Variants in SMOC2 observed in about 807,000 individuals in gnomAD.
The protein encoded by SMOC2 is SPARC-related modular calcium-binding protein 2.
SMOC2 carries 39 observed loss-of-function variants against 61.4 expected under a neutral mutation model. The observed-to-expected ratio is 0.64, with a 90% confidence interval of 0.49 to 0.83. The LOEUF (loss-of-function observed/expected upper bound fraction) is 0.83. SMOC2 is among the 40% of genes least tolerant of loss of function. SMOC2 has a pLI of 0.00. For missense variants in SMOC2, 556 were observed against 592.9 expected (o/e 0.94, Z 0.65); for synonymous variants, 247 against 239.9 (o/e 1.03, Z -0.27).
intron 2 of SMOC2, among the ~76,000 whole-genome samples, chr6:168,516,675 C>T (rs558876108): frequency 2.0e-5 from 3 of 152,236 alleles, no homozygotes; most frequent in Non-Finnish European, 2.9e-5. Context: ...CAATCAGATT[C>T]GAATCTCCAC....
rs527720680 is a variant in SMOC2 at position 168,512,088 on chromosome 6, G to A, written c.256+2002G>A. 1.2e-3 allele frequency among the ~76,000 whole-genome samples: 181 copies of A among 152,192 alleles called. 4 individuals carry two copies. The highest frequency in any genetic ancestry group is 3.4e-3 in the Middle Eastern group (1 of 294). Reference sequence around the variant, plus strand: ...ATGTTATCCTCCCCTCATGCTGGGGGAGTCATGAAGACCCCAGGACAGAAG... The same window carrying A: ...ATGTTATCCTCCCCTCATGCTGGGGAAGTCATGAAGACCCCAGGACAGAAG... On this transcript the variant is annotated intron_variant, in intron 2 of 12. Transcript: ENST00000356284.
chr6:168,566,450 C>T (rs189680977), intron 7 of SMOC2, among the ~76,000 whole-genome samples: 10 of 149,118 alleles, frequency 6.7e-5, no homozygotes, highest in East Asian at 5.9e-4. Flanking sequence ...GACGAATTTT[C>T]AGGCTTTATT....
chr6:168,650,913 C>G (rs1265705878), intron 10 of SMOC2, 130 bp downstream of exon 10: 9 of 786,916 alleles, frequency 1.1e-5, no homozygotes, highest in Non-Finnish European at 1.8e-5. Context: ...TAAAAAGGAG[C>G]CTTCTGCAAA....
Position 168,598,860 on chromosome 6 carries a change from C to G in SMOC2, c.680C>G (p.Ala227Gly). Reference sequence around the variant, plus strand: ...GAGCACCAGTCTGCCCTGGAGGAAGCCAAGCAGCCCAAGAACGACAATGTG... The same window carrying G: ...GAGCACCAGTCTGCCCTGGAGGAAGGCAAGCAGCCCAAGAACGACAATGTG... ...DQEHQSALEE[A>G]KQPKNDNVVI... The change falls in exon 8 of 13, where the codon GCC becomes GGC. Residue 227 changes from alanine (A) to glycine (G), a missense_variant. Transcript: ENST00000356284. 6.2e-6 allele frequency: 10 copies of G among 1,613,880 alleles called. No individual in the cohort carries two copies. Among genetic ancestry groups the G allele is most frequent in the Non-Finnish European group, 8.5e-6 (10 of 1,179,822 alleles).
intron 1 of SMOC2, among the ~76,000 whole-genome samples, chr6:168,481,225 C>G (rs1299386084): frequency 6.6e-6 from 1 of 152,028 alleles, no homozygotes; most frequent in East Asian, 1.9e-4. Context: ...ATTTTGTTTC[C>G]TACACAATTT....
Position 168,595,195 on chromosome 6 carries a change from G to A in SMOC2, c.638-3623G>A, listed in dbSNP as rs113566630. Among the ~76,000 whole-genome samples, 66 of 9,938 alleles carry A rather than the reference G, an allele frequency of 6.6e-3. 1 individual carries two copies. Among genetic ancestry groups the A allele is most frequent in the South Asian group, 0.015 (5 of 334 alleles). 6.5% of individuals were successfully genotyped at this position (9,938 alleles called of 152,430 possible). ...CTCCTCCTCCTTCCTGAGGCCTCAC[G>A]AGGGGCATCTTTCTAGAGGATCTCC... On this transcript the variant is annotated intron_variant, in intron 7 of 12. Transcript: ENST00000356284.
intron 7 of SMOC2, among the ~76,000 whole-genome samples, chr6:168,569,119 A>G (rs1583118369): frequency 6.6e-6 from 1 of 152,326 alleles, no homozygotes; most frequent in South Asian, 2.1e-4. Flanking sequence ...TTCATAAGAA[A>G]CTGCCAAGCT....
At chr6:168,519,302 T>C (rs915357224) in intron 2 of SMOC2, among the ~76,000 whole-genome samples, 1 of 152,174 alleles carries the variant, frequency 6.6e-6, no homozygotes, top group Non-Finnish European at 1.5e-5. Flanking sequence ...ATTCTTTCTG[T>C]GCCCTGGGCT....
At chr6:168,461,984 C>T (rs1262909785) in intron 1 of SMOC2, among the ~76,000 whole-genome samples, 7 of 152,220 alleles carry the variant, frequency 4.6e-5, no homozygotes, top group African/African-American at 1.7e-4. Flanking sequence ...CTTTCTCTCC[C>T]TTTCTCATAG....
intron 1 of SMOC2, among the ~76,000 whole-genome samples, chr6:168,476,568 TATATAAC>T (rs1782092944): frequency 6.6e-6 from 1 of 152,010 alleles, no homozygotes; most frequent in African/African-American, 2.4e-5. Flanking sequence ...TGTTTGAAAA[TATATAAC>T]AGATATTTTC....
chr6:168,598,123 CA>C, intron 7 of SMOC2, among the ~76,000 whole-genome samples: 1 of 152,224 alleles, frequency 6.6e-6, no homozygotes. Context: ...TACCAGTTTT[CA>C]GTAACAAAGC....
Position 168,598,902 on chromosome 6 carries a change from C to A in SMOC2, c.722C>A (p.Ala241Glu), listed in dbSNP as rs1479404779. The A allele has an allele frequency of 1.9e-6, 3 of 1,613,764 alleles. No individual in the cohort carries two copies. In the Admixed American group the frequency reaches 5.0e-5, roughly 27 times the overall value. ...GACAATGTGGTGATCCCTGAGTGTG[C>A]GCACGGCGGCCTCTACAAGCCAGTG... ...KNDNVVIPECAHGGLYKPVQC... is the reference protein window; with the variant it reads ...KNDNVVIPECEHGGLYKPVQC... The change falls in exon 8 of 13, where the codon GCG becomes GAG. Residue 241 changes from alanine (A) to glutamate (E), a missense_variant. Physicochemically the swap from Ala to Glu is moderately radical, Grantham distance 107. Transcript: ENST00000356284.
At chr6:168,647,781 C>T (rs77198620) in intron 9 of SMOC2, among the ~76,000 whole-genome samples, 18,821 of 152,008 alleles carry the variant, frequency 0.12, 1,253 homozygotes, top group East Asian at 0.18. Context: ...CATTTTTGTT[C>T]GCCTTTTTTC....
intron 1 of SMOC2, among the ~76,000 whole-genome samples, chr6:168,448,277 C>T (rs898175658): frequency 7.3e-6 from 1 of 137,292 alleles, no homozygotes; most frequent in Non-Finnish European, 1.5e-5. Context: ...CTTTCAGGAG[C>T]AAAGCAGAAG....
intron 2 of SMOC2, among the ~76,000 whole-genome samples, chr6:168,520,522 G>T (rs1465656708): frequency 6.6e-6 from 1 of 152,210 alleles, no homozygotes; most frequent in Non-Finnish European, 1.5e-5. Flanking sequence ...AGTTTACATG[G>T]CCGTGGCCAT....
chr6:168,575,882 T>G (rs6934395), intron 7 of SMOC2, among the ~76,000 whole-genome samples: 1 of 151,202 alleles, frequency 6.6e-6, no homozygotes, highest in South Asian at 2.1e-4. Flanking sequence ...CCTCCACCAT[T>G]GTGACTTTAC....
intron 7 of SMOC2, among the ~76,000 whole-genome samples, chr6:168,570,693 A>G (rs1373432051): frequency 6.6e-6 from 1 of 152,212 alleles, no homozygotes; most frequent in Non-Finnish European, 1.5e-5. Flanking sequence ...GACGCTAAAT[A>G]CTTTTGCAAA....
intron 1 of SMOC2, among the ~76,000 whole-genome samples, chr6:168,456,251 C>T (rs1027772672): frequency 5.3e-5 from 8 of 152,182 alleles, no homozygotes; most frequent in Non-Finnish European, 7.3e-5. Flanking sequence ...TGGCTGTCGC[C>T]GTTTATGACT....
At chr6:168,508,714 A>G (rs937988531) in intron 1 of SMOC2, among the ~76,000 whole-genome samples, 28 of 152,198 alleles carry the variant, frequency 1.8e-4, no homozygotes, top group African/African-American at 6.0e-4. Context: ...TCAAACTGGA[A>G]GAGGGATTGG....
Sources: allele counts gnomAD v4.1 joint callset (sites outside exome capture counted in the v4.1 genomes callset), GRCh38; gene constraint gnomAD v4.1.1; transcripts MANE v1.5; gene names NCBI Gene and HGNC (gene_info 2026-07-23, HGNC 2026-07-21).